Variants in KCNIP4 observed in about 807,000 individuals in gnomAD.
KCNIP4 encodes the protein Kv channel-interacting protein 4.
Under a neutral mutation model 34.0 loss-of-function variants are expected in KCNIP4, and 12 were observed. The observed-to-expected ratio is 0.35, with a 90% CI of 0.23 to 0.57. The LOEUF is 0.57. KCNIP4 is among the 20% of genes least tolerant of loss of function. The pLI is 0.83. For synonymous variants in KCNIP4, 124 were observed against 102.2 expected (o/e 1.21, Z -1.29); for missense variants, 238 against 311.7 (o/e 0.76, Z 1.78).
chr4:21,189,275 T>C (rs532535799), intron 1 of KCNIP4, among the ~76,000 whole-genome samples: 1 of 152,206 alleles, frequency 6.6e-6, no homozygotes, highest in Non-Finnish European at 1.5e-5. Context: ...TTTAAAGGCA[T>C]TGTCTCCCAG....
At chr4:20,883,719 T>C (rs973669042) in intron 1 of KCNIP4, among the ~76,000 whole-genome samples, 2 of 152,120 alleles carry the variant, frequency 1.3e-5, no homozygotes, top group African/African-American at 4.8e-5. Flanking sequence ...CTTGGAATTA[T>C]AAAAAAATTC....
In KCNIP4 at chr4:21,251,272, AC is replaced by A. The variant is rs367726478; in HGVS notation, c.62-368564del. On this transcript the variant is annotated intron_variant, in intron 1 of 8. Transcript: ENST00000382152. ...AGGCAGAAAATTTTAGGAAAATTATACAGGAGAGGAGATCTTTATTTTCATC... is the reference window on the plus strand; with the variant it reads ...AGGCAGAAAATTTTAGGAAAATTATAAGGAGAGGAGATCTTTATTTTCATC... Among the ~76,000 whole-genome samples the A allele has an allele frequency of 3.9e-4, 59 of 152,330 alleles. No homozygotes were observed. In the South Asian group the frequency reaches 0.012, roughly 30 times the overall value.
chr4:21,803,090 G>A lies in KCNIP4; in HGVS notation c.61+145481C>T, dbSNP rs535402727. ...AGTAAAGGGATGAAGGCCTGCTCCA[G>A]AAGACAGACAAAGTGAATTTTAGTT... On this transcript the variant is annotated intron_variant, in intron 1 of 8. Transcript: ENST00000382152. Among the ~76,000 whole-genome samples the A allele has an allele frequency of 6.6e-5, 10 of 152,244 alleles. No individual in the cohort carries two copies. The East Asian group carries it at 1.9e-3, about 29-fold the overall frequency.
intron 1 of KCNIP4, among the ~76,000 whole-genome samples, chr4:21,570,175 G>A (rs1409119040): frequency 6.6e-6 from 1 of 152,112 alleles, no homozygotes; most frequent in East Asian, 1.9e-4. Flanking sequence ...ATGGGAGTCT[G>A]GAAAATGTAA....
chr4:20,974,282 AAATG>A (rs1351333071), intron 1 of KCNIP4, among the ~76,000 whole-genome samples: 4 of 152,242 alleles, frequency 2.6e-5, no homozygotes, highest in African/African-American at 9.6e-5. Context: ...GCTGGAGAGA[AAATG>A]AATGAACACA....
intron 3 of KCNIP4, among the ~76,000 whole-genome samples, chr4:20,822,700 A>G (rs1717255836): frequency 6.6e-6 from 1 of 152,190 alleles, no homozygotes; most frequent in South Asian, 2.1e-4. Context: ...TGCATTTCGC[A>G]TGTGAGAAAA....
At chr4:21,852,394 G>C (rs1370013439) in intron 1 of KCNIP4, 1 of 152,110 alleles carries the variant, frequency 6.6e-6, no homozygotes, top group East Asian at 1.9e-4. Context: ...CTACTTTTTA[G>C]GAAGAATTCT....
intron 1 of KCNIP4, among the ~76,000 whole-genome samples, chr4:21,368,767 G>C (rs1720049711): frequency 6.8e-6 from 1 of 147,472 alleles, no homozygotes; most frequent in South Asian, 2.1e-4. Flanking sequence ...TTTCCTTGAG[G>C]AGTTTTAAGT....
At chr4:21,551,848 G>A (rs1254454974) in intron 1 of KCNIP4, among the ~76,000 whole-genome samples, 1 of 151,922 alleles carries the variant, frequency 6.6e-6, no homozygotes, top group Non-Finnish European at 1.5e-5. Context: ...AAGAATAAAA[G>A]AAATATTGTA....
chr4:21,697,341 A>C, intron 1 of KCNIP4: 1 of 1,426,526 alleles, frequency 7.0e-7, no homozygotes, highest in Non-Finnish European at 9.2e-7. Context: ...AAAAAAAAAA[A>C]GTCATTACCT....
At chr4:20,772,671 C>T (rs983141472) in intron 3 of KCNIP4, among the ~76,000 whole-genome samples, 1 of 151,220 alleles carries the variant, frequency 6.6e-6, no homozygotes, top group Non-Finnish European at 1.5e-5. Context: ...TTCCGAGTTT[C>T]GCTCTTGTCT....
chr4:21,141,841 A>G (rs1214724910), intron 1 of KCNIP4, among the ~76,000 whole-genome samples: 1 of 151,798 alleles, frequency 6.6e-6, no homozygotes, highest in African/African-American at 2.4e-5. Flanking sequence ...TAGTTTCAGG[A>G]TAAGGAGACA....
At chr4:20,758,928 T>G in intron 3 of KCNIP4, 38 bp from the exon 4 acceptor site, 2 of 1,552,358 alleles carry the variant, frequency 1.3e-6, no homozygotes, top group Non-Finnish European at 1.8e-6. Flanking sequence ...GAGCAAAGTG[T>G]TCATAAAACT....
At chr4:21,726,971 G>A (rs1353259497) in intron 1 of KCNIP4, among the ~76,000 whole-genome samples, 1 of 152,166 alleles carries the variant, frequency 6.6e-6, no homozygotes, top group African/African-American at 2.4e-5. Context: ...TCTGTCTAGG[G>A]AAGGGGAATC....
At chr4:21,322,813 G>A (rs1392115273) in intron 1 of KCNIP4, among the ~76,000 whole-genome samples, 1 of 152,036 alleles carries the variant, frequency 6.6e-6, no homozygotes, top group Non-Finnish European at 1.5e-5. Context: ...TGTCAAAGAA[G>A]TTAAGTAATA....
chr4:21,402,816 T>C (rs910211909), intron 1 of KCNIP4, among the ~76,000 whole-genome samples: 1 of 152,194 alleles, frequency 6.6e-6, no homozygotes, highest in African/African-American at 2.4e-5. Context: ...ATCATTATTC[T>C]TCCCTCTTCA....
chr4:21,482,737 C>T (rs1027630565), intron 1 of KCNIP4, among the ~76,000 whole-genome samples: 3 of 151,986 alleles, frequency 2.0e-5, no homozygotes, highest in East Asian at 3.9e-4. Flanking sequence ...CTCTGGCTAC[C>T]CTTAACATTT....
At chr4:21,252,777 C>CTT in intron 1 of KCNIP4, among the ~76,000 whole-genome samples, 1 of 127,026 alleles carries the variant, frequency 7.9e-6, no homozygotes, top group Non-Finnish European at 1.6e-5. Flanking sequence ...TTTTTTTTGT[C>CTT]GTAAGTATTA....
intron 1 of KCNIP4, among the ~76,000 whole-genome samples, chr4:21,691,983 C>G (rs1234129285): frequency 2.6e-5 from 4 of 152,100 alleles, no homozygotes; most frequent in African/African-American, 7.2e-5. Context: ...CAGGCGTGAT[C>G]CACCGCACCA....
Sources: allele counts gnomAD v4.1 joint callset (sites outside exome capture counted in the v4.1 genomes callset), GRCh38; gene constraint gnomAD v4.1.1; transcripts MANE v1.5; gene names NCBI Gene and HGNC (gene_info 2026-07-23, HGNC 2026-07-21).